Variants in RUNX1T1 observed in about 807,000 individuals in gnomAD.
RUNX1T1 encodes protein CBFA2T1.
In RUNX1T1, 4 loss-of-function variants were observed where a neutral mutation model predicts 62.8. The ratio of observed to expected loss-of-function variants is 0.06; its 90% CI spans 0.03 to 0.15. The LOEUF (loss-of-function observed/expected upper bound fraction) is 0.15. RUNX1T1 is among the 10% of genes least tolerant of loss of function. The probability of loss-of-function intolerance (pLI) is 1.00; values close to 1 mark genes in which losing one functional copy is unlikely to be tolerated. For missense variants in RUNX1T1, 508 were observed against 754.3 expected, an observed-to-expected ratio of 0.67 and a Z score of 3.82; for synonymous variants, 291 against 286.0, an observed-to-expected ratio of 1.02 and a Z score of -0.18.
chr8:92,020,363 T>C (rs1413435769), intron 1 of RUNX1T1, among the ~76,000 whole-genome samples: 1 of 152,190 alleles, frequency 6.6e-6, no homozygotes, highest in East Asian at 1.9e-4. Flanking sequence ...CACAGAAGCA[T>C]TTCACTCCAT....
intron 1 of RUNX1T1, chr8:92,094,925 GT>G: frequency 1.2e-6 from 1 of 819,614 alleles, no homozygotes. Flanking sequence ...TCAGCGTCCA[GT>G]CAATAAATAA....
intron 4 of RUNX1T1, among the ~76,000 whole-genome samples, chr8:92,007,987 A>AT (rs398008771): frequency 1.3e-5 from 2 of 150,178 alleles, no homozygotes; most frequent in Admixed American, 6.6e-5. Context: ...AAAAAAAAAA[A>AT]GAAAGAAAGA....
intron 3 of RUNX1T1, among the ~76,000 whole-genome samples, chr8:92,012,397 G>C (rs1267456096): frequency 6.6e-6 from 1 of 151,962 alleles, no homozygotes. Context: ...AGCCAGGTGT[G>C]GTGGTGTGTG....
At chr8:92,022,226 C>T (rs930692194) in intron 1 of RUNX1T1, among the ~76,000 whole-genome samples, 13 of 151,788 alleles carry the variant, frequency 8.6e-5, no homozygotes, top group East Asian at 3.9e-4. Flanking sequence ...TATTATTATC[C>T]GTTCAAAGAT....
chr8:92,061,313 A>T (rs1831997635), intron 1 of RUNX1T1, among the ~76,000 whole-genome samples: 1 of 152,222 alleles, frequency 6.6e-6, no homozygotes, highest in Non-Finnish European at 1.5e-5. Context: ...TTCTGGTGAA[A>T]TAAAAAACAC....
At chr8:92,049,777 T>A (rs1435325999) in intron 1 of RUNX1T1, among the ~76,000 whole-genome samples, 1 of 152,174 alleles carries the variant, frequency 6.6e-6, no homozygotes, top group Non-Finnish European at 1.5e-5. Context: ...CTCCTACTCA[T>A]AATCCCACAA....
At chr8:92,011,899 A>T (rs368325219) in intron 3 of RUNX1T1, among the ~76,000 whole-genome samples, 24 of 152,342 alleles carry the variant, frequency 1.6e-4, no homozygotes, top group African/African-American at 5.5e-4. Context: ...AAGCAATTAT[A>T]AAGGCATTGA....
intron 1 of RUNX1T1, among the ~76,000 whole-genome samples, chr8:92,083,740 C>G (rs529918819): frequency 2.0e-5 from 3 of 152,164 alleles, no homozygotes; most frequent in Non-Finnish European, 2.9e-5. Flanking sequence ...CCAGCAATCC[C>G]ATTGCTGGGT....
intron 1 of RUNX1T1, among the ~76,000 whole-genome samples, chr8:92,099,265 A>C (rs1837933090): frequency 6.6e-6 from 1 of 152,174 alleles, no homozygotes; most frequent in African/African-American, 2.4e-5. Context: ...CTTATTTTCA[A>C]AGGATATGTT....
At chr8:92,021,608 T>C (rs868413970) in intron 1 of RUNX1T1, among the ~76,000 whole-genome samples, 1 of 152,264 alleles carries the variant, frequency 6.6e-6, no homozygotes, top group South Asian at 2.1e-4. Flanking sequence ...CCACCATTAG[T>C]AGTGAGTTCT....
At chr8:91,968,764 T>C (rs1229803181) in intron 10 of RUNX1T1, among the ~76,000 whole-genome samples, 1 of 152,220 alleles carries the variant, frequency 6.6e-6, no homozygotes, top group Admixed American at 6.5e-5. Flanking sequence ...TGAGATCCTG[T>C]TGAGGCTCTG....
intron 1 of RUNX1T1, among the ~76,000 whole-genome samples, chr8:92,036,213 A>T (rs913100136): frequency 3.5e-4 from 54 of 152,346 alleles, no homozygotes; most frequent in African/African-American, 1.2e-3. Flanking sequence ...CATTCCACAT[A>T]TAAATGAAAA....
At chr8:92,051,358 C>T (rs866868234) in intron 1 of RUNX1T1, among the ~76,000 whole-genome samples, 1 of 152,018 alleles carries the variant, frequency 6.6e-6, no homozygotes, top group African/African-American at 2.4e-5. Flanking sequence ...GACAACCATA[C>T]AAATGATTCC....
intron 1 of RUNX1T1, among the ~76,000 whole-genome samples, chr8:92,096,802 T>C (rs1837784423): frequency 6.6e-6 from 1 of 151,888 alleles, no homozygotes; most frequent in African/African-American, 2.4e-5. Flanking sequence ...AGGGTAAGGC[T>C]AGTGAGTAGA....
At chr8:92,016,473 A>G (rs1430941488) in intron 2 of RUNX1T1, among the ~76,000 whole-genome samples, 1 of 152,170 alleles carries the variant, frequency 6.6e-6, no homozygotes, top group African/African-American at 2.4e-5. Flanking sequence ...TCGGAAGTTC[A>G]AGACCAGCCT....
intron 1 of RUNX1T1, among the ~76,000 whole-genome samples, chr8:92,049,003 G>T (rs4634691): frequency 3.9e-5 from 6 of 152,154 alleles, no homozygotes; most frequent in Admixed American, 3.9e-4. Flanking sequence ...GTCTCTTCTG[G>T]AGGCCTGTGG....
upstream of RUNX1T1, among the ~76,000 whole-genome samples, chr8:92,064,905 A>G (rs1378335867): frequency 2.6e-5 from 4 of 152,142 alleles, no homozygotes. Context: ...TTATCTGACT[A>G]CAGTAATTGC....
chr8:92,057,609 T>C (rs1831245813), intron 1 of RUNX1T1, among the ~76,000 whole-genome samples: 2 of 152,176 alleles, frequency 1.3e-5, no homozygotes, highest in South Asian at 4.1e-4. Flanking sequence ...ATTAAGAGGA[T>C]TTTCTGATTC....
chr8:92,030,588 G>A (rs1016081521), intron 1 of RUNX1T1, among the ~76,000 whole-genome samples: 1 of 152,160 alleles, frequency 6.6e-6, no homozygotes, highest in Non-Finnish European at 1.5e-5. Flanking sequence ...CATTCCCACT[G>A]CAATGGGGCT....
Sources: gnomAD v4.1 joint callset for allele counts (sites outside exome capture counted in the v4.1 genomes callset) on GRCh38, gnomAD v4.1.1 for gene constraint, MANE v1.5 for transcripts, NCBI Gene and HGNC (gene_info 2026-07-23, HGNC 2026-07-21) for gene names.